EXOC6B: variants seen among roughly 807,000 people sequenced by gnomAD.
The protein encoded by EXOC6B is SEC15 homolog B.
A neutral mutation model predicts 113.5 loss-of-function variants in EXOC6B; 54 were observed. That is an observed-to-expected ratio of 0.48 (90% CI 0.38 to 0.60). EXOC6B has a LOEUF of 0.60. EXOC6B is among the 20% of genes least tolerant of loss of function. The pLI, the probability that EXOC6B is intolerant of heterozygous loss-of-function variation, is 0.00. For synonymous variants in EXOC6B, 357 were observed against 339.0 expected (o/e 1.05, Z -0.58); for missense variants, 797 against 977.5 (o/e 0.82, Z 2.46).
At chr2:72,282,959 G>T (rs1028338360) in intron 20 of EXOC6B, among the ~76,000 whole-genome samples, 7 of 152,094 alleles carry the variant, frequency 4.6e-5, no homozygotes, top group African/African-American at 1.7e-4. Context: ...ATCATAATTT[G>T]AGAGTTGCAC....
At chr2:72,633,047 G>A (rs1299339599) in intron 6 of EXOC6B, among the ~76,000 whole-genome samples, 1 of 152,034 alleles carries the variant, frequency 6.6e-6, no homozygotes, top group East Asian at 1.9e-4. Context: ...ACACTTTCTG[G>A]TATACTCATT....
chr2:72,636,694 T>C (rs1174289691), intron 6 of EXOC6B, among the ~76,000 whole-genome samples: 1 of 152,174 alleles, frequency 6.6e-6, no homozygotes, highest in South Asian at 2.1e-4. Context: ...CTTAACTTGA[T>C]AAAATCTACA....
intron 20 of EXOC6B, among the ~76,000 whole-genome samples, chr2:72,333,211 C>G (rs922334782): frequency 2.6e-5 from 4 of 152,136 alleles, no homozygotes; most frequent in African/African-American, 9.7e-5. Context: ...GCATAAATGA[C>G]AGTGCTCACT....
chr2:72,423,507 T>C (rs1695029144), intron 18 of EXOC6B, among the ~76,000 whole-genome samples: 1 of 152,218 alleles, frequency 6.6e-6, no homozygotes. Context: ...TGTTGCAAAT[T>C]GTTCTCTAGT....
intron 20 of EXOC6B, among the ~76,000 whole-genome samples, chr2:72,225,167 A>G (rs1253439227): frequency 1.3e-5 from 2 of 151,822 alleles, no homozygotes; most frequent in Non-Finnish European, 2.9e-5. Flanking sequence ...TATTTTAGAC[A>G]TCAAACTGCT....
intron 20 of EXOC6B, among the ~76,000 whole-genome samples, chr2:72,246,491 A>G (rs953848686): frequency 1.3e-5 from 2 of 151,008 alleles, no homozygotes; most frequent in African/African-American, 4.9e-5. Context: ...ACTCTCTGGA[A>G]TAGGTTAACT....
At chr2:72,401,524 CATATATATATATATATATATGTGT>C (rs1558630320) in intron 18 of EXOC6B, among the ~76,000 whole-genome samples, 5 of 29,702 alleles carry the variant, frequency 1.7e-4, no homozygotes, top group South Asian at 1.9e-3. Flanking sequence ...TACATATATA[CATATATATATATATATATATGTGT>C]ATATATATAT....
intron 6 of EXOC6B, among the ~76,000 whole-genome samples, chr2:72,673,759 AT>A (rs1220310619): frequency 1.3e-5 from 2 of 149,230 alleles, no homozygotes; most frequent in South Asian, 2.1e-4. Context: ...TTATTTTATT[AT>A]TTTTTATTTT....
chr2:72,453,140 T>C (rs1371242756), intron 18 of EXOC6B, among the ~76,000 whole-genome samples: 1 of 152,170 alleles, frequency 6.6e-6, no homozygotes, highest in South Asian at 2.1e-4. Flanking sequence ...TCCAAAAATA[T>C]ATTATTTATA....
intron 6 of EXOC6B, among the ~76,000 whole-genome samples, chr2:72,580,249 C>G (rs9678416): frequency 0.041 from 5,932 of 145,274 alleles, 417 homozygotes; most frequent in African/African-American, 0.14. Flanking sequence ...TCAAGCGATT[C>G]TCATGCCTCA....
chr2:72,623,852 T>C (rs1046144875), intron 6 of EXOC6B, among the ~76,000 whole-genome samples: 1 of 152,324 alleles, frequency 6.6e-6, no homozygotes, highest in East Asian at 1.9e-4. Flanking sequence ...CTATTCTTGC[T>C]GTAACCTTCC....
intron 1 of EXOC6B, among the ~76,000 whole-genome samples, chr2:72,759,281 T>C (rs1682611187): frequency 6.6e-6 from 1 of 152,214 alleles, no homozygotes; most frequent in African/African-American, 2.4e-5. Flanking sequence ...ATTAAAAATT[T>C]TTAAATCAAG....
intron 1 of EXOC6B, among the ~76,000 whole-genome samples, chr2:72,796,836 C>G (rs932605765): frequency 1.3e-5 from 2 of 152,190 alleles, no homozygotes; most frequent in African/African-American, 4.8e-5. Context: ...GAGGAGACAG[C>G]TAGCTCAATC....
At chr2:72,280,213 C>A (rs767727458) in intron 20 of EXOC6B, among the ~76,000 whole-genome samples, 11 of 151,820 alleles carry the variant, frequency 7.2e-5, no homozygotes, top group Non-Finnish European at 1.5e-4. Context: ...TTATCATATT[C>A]TTTTTTTGAG....
intron 19 of EXOC6B, among the ~76,000 whole-genome samples, chr2:72,356,552 AAAAC>A (rs1175921618): frequency 6.6e-6 from 1 of 152,204 alleles, no homozygotes; most frequent in Non-Finnish European, 1.5e-5. Flanking sequence ...CTCAAACAAA[AAAAC>A]AAACTAACTA....
At chr2:72,333,370 A>G (rs767988003) in intron 20 of EXOC6B, among the ~76,000 whole-genome samples, 7 of 152,078 alleles carry the variant, frequency 4.6e-5, no homozygotes, top group Non-Finnish European at 1.0e-4. Flanking sequence ...GAGAATAACC[A>G]TGCTTCCTTC....
intron 2 of EXOC6B, among the ~76,000 whole-genome samples, chr2:72,736,640 A>G (rs1680985156): frequency 6.6e-6 from 1 of 152,188 alleles, no homozygotes; most frequent in African/African-American, 2.4e-5. Flanking sequence ...AAGGGAAGTA[A>G]GAGGAAAAGA....
intron 19 of EXOC6B, among the ~76,000 whole-genome samples, chr2:72,373,330 T>TA (rs1468899486): frequency 2.0e-5 from 3 of 152,026 alleles, no homozygotes; most frequent in Non-Finnish European, 4.4e-5. Flanking sequence ...GCTAGGATTA[T>TA]AGGCATGAGC....
chr2:72,415,961 T>C (rs1694494577), intron 18 of EXOC6B, among the ~76,000 whole-genome samples: 1 of 152,146 alleles, frequency 6.6e-6, no homozygotes, highest in South Asian at 2.1e-4. Flanking sequence ...CAGTTTAAAT[T>C]AGGTTATGCT....
Sources: allele counts gnomAD v4.1 joint callset (sites outside exome capture counted in the v4.1 genomes callset), GRCh38; gene constraint gnomAD v4.1.1; transcripts MANE v1.5; gene names NCBI Gene and HGNC (gene_info 2026-07-23, HGNC 2026-07-21).